Variants in SH3GL2 observed in about 807,000 individuals in gnomAD.
SH3GL2 encodes endophilin-A1.
In SH3GL2, 24 loss-of-function variants were observed where a neutral mutation model predicts 46.0. The observed-to-expected ratio is 0.52, with a 90% CI of 0.38 to 0.73. The LOEUF (loss-of-function observed/expected upper bound fraction) is 0.73, where lower values mean the gene tolerates loss of function less well. SH3GL2 is among the 30% of genes least tolerant of loss of function. The pLI is 0.00. For synonymous variants in SH3GL2, 196 were observed against 147.1 expected (o/e 1.33, Z -2.40); for missense variants, 413 against 424.2 (o/e 0.97, Z 0.23).
intron 3 of SH3GL2, among the ~76,000 whole-genome samples, chr9:17,785,643 T>C (rs1006284971): frequency 6.6e-6 from 1 of 152,194 alleles, no homozygotes. Context: ...TTAACAATTT[T>C]TTTAATAAAG....
intron 1 of SH3GL2, among the ~76,000 whole-genome samples, chr9:17,593,761 A>G (rs1051035393): frequency 6.6e-5 from 10 of 152,202 alleles, no homozygotes; most frequent in African/African-American, 9.7e-5. Context: ...GGAGGTAGAC[A>G]TGTTCTTTAA....
At chr9:17,700,137 G>T (rs575417843) in intron 1 of SH3GL2, among the ~76,000 whole-genome samples, 1 of 152,196 alleles carries the variant, frequency 6.6e-6, no homozygotes, top group East Asian at 1.9e-4. Flanking sequence ...GAGAACTTGG[G>T]TTCCTCTGGT....
At chr9:17,712,384 C>G (rs186322979) in intron 1 of SH3GL2, among the ~76,000 whole-genome samples, 2 of 151,680 alleles carry the variant, frequency 1.3e-5, no homozygotes, top group East Asian at 3.9e-4. Context: ...AAAACTTTGC[C>G]GAACCCAAGT....
At chr9:17,688,529 A>G (rs10738485) in intron 1 of SH3GL2, among the ~76,000 whole-genome samples, 61,836 of 151,788 alleles carry the variant, frequency 0.41, 13,145 homozygotes, top group South Asian at 0.58. Flanking sequence ...CTGGTTTCCA[A>G]TACCATCCTT....
At chr9:17,609,068 A>G (rs1043819962) in intron 1 of SH3GL2, among the ~76,000 whole-genome samples, 3 of 152,182 alleles carry the variant, frequency 2.0e-5, no homozygotes, top group Non-Finnish European at 2.9e-5. Context: ...TGATGAAGGC[A>G]TGGTCCTGGC....
At chr9:17,614,295 GAAAAAAAA>G (rs3084628) in intron 1 of SH3GL2, among the ~76,000 whole-genome samples, 127 of 70,300 alleles carry the variant, frequency 1.8e-3, no homozygotes, top group Admixed American at 1.9e-3. Flanking sequence ...CATGGTTTCT[GAAAAAAAA>G]AAAAAAAAAA....
At chr9:17,638,723 A>G (rs568739245) in intron 1 of SH3GL2, among the ~76,000 whole-genome samples, 3 of 152,182 alleles carry the variant, frequency 2.0e-5, no homozygotes, top group Non-Finnish European at 4.4e-5. Flanking sequence ...CTTGGAGCTA[A>G]TATCAACAGG....
At chr9:17,795,409 C>CTCA (rs1824246674) in intron 8 of SH3GL2, 135 bp from the exon 9 acceptor site, 2 of 658,370 alleles carry the variant, frequency 3.0e-6, no homozygotes, top group African/African-American at 1.8e-5. Flanking sequence ...CAAGAAGAAG[C>CTCA]TTCAACAGGA....
intron 2 of SH3GL2, among the ~76,000 whole-genome samples, chr9:17,752,001 A>G (rs1822861793): frequency 6.6e-6 from 1 of 151,614 alleles, no homozygotes; most frequent in Non-Finnish European, 1.5e-5. Flanking sequence ...TATATTCATT[A>G]AAGGTAATGA....
intron 1 of SH3GL2, among the ~76,000 whole-genome samples, chr9:17,643,397 C>G (rs1208245491): frequency 1.3e-5 from 2 of 151,966 alleles, no homozygotes; most frequent in Non-Finnish European, 2.9e-5. Context: ...GCCTTATTGC[C>G]CTGGCCAGAA....
At position 17,797,079 on chromosome 9, in the gene SH3GL2, C is replaced by A. The variant is rs142178870; in HGVS notation, c.*1336C>A. ...TTACTGCTTAATGTATAAACTCTCA[C>A]CACAGGAAGCATCGCTGTTTCCAAT... On this transcript the variant is annotated 3_prime_UTR_variant, in exon 9 of 9. Transcript: ENST00000380607. The A allele has an allele frequency of 6.5e-6, 1 of 152,736 alleles. No homozygotes were observed. Among genetic ancestry groups the A allele is most frequent in the Non-Finnish European group, 1.5e-5 (1 of 68,034 alleles). 9.5% of individuals were successfully genotyped at this position (152,736 alleles called of 1,614,324 possible). A position where few individuals can be genotyped will look rare whatever the true frequency, so the allele number is the denominator to read the frequency against.
At chr9:17,594,920 C>T (rs191727251) in intron 1 of SH3GL2, among the ~76,000 whole-genome samples, 1 of 152,232 alleles carries the variant, frequency 6.6e-6, no homozygotes, top group East Asian at 1.9e-4. Context: ...TTCATTTCTG[C>T]TTAAAATACA....
chr9:17,738,227 T>G (rs1214948343), intron 1 of SH3GL2, among the ~76,000 whole-genome samples: 1 of 152,012 alleles, frequency 6.6e-6, no homozygotes, highest in African/African-American at 2.4e-5. Context: ...GATTTAATCT[T>G]AAGATGTTTT....
intron 8 of SH3GL2, 62 bp from the exon 9 acceptor site, chr9:17,795,482 C>G (rs1056227298): frequency 9.6e-6 from 13 of 1,355,244 alleles, no homozygotes; most frequent in Non-Finnish European, 1.0e-6. Context: ...GCAGCAGATT[C>G]TGTGAGTTAA....
intron 1 of SH3GL2, among the ~76,000 whole-genome samples, chr9:17,619,031 C>G (rs1819069954): frequency 6.6e-6 from 1 of 152,140 alleles, no homozygotes; most frequent in Non-Finnish European, 1.5e-5. Flanking sequence ...GTAATATTAT[C>G]AACCAACTGT....
At chr9:17,697,844 A>G (rs1396057383) in intron 1 of SH3GL2, among the ~76,000 whole-genome samples, 2 of 152,158 alleles carry the variant, frequency 1.3e-5, no homozygotes, top group Non-Finnish European at 2.9e-5. Context: ...TGTTGCGCCT[A>G]CTAAATTCTT....
At chr9:17,679,108 A>C (rs575980634) in intron 1 of SH3GL2, among the ~76,000 whole-genome samples, 1 of 151,970 alleles carries the variant, frequency 6.6e-6, no homozygotes, top group Admixed American at 6.6e-5. Flanking sequence ...TTGACTTGGC[A>C]ATGCGGGCTC....
intron 3 of SH3GL2, among the ~76,000 whole-genome samples, chr9:17,763,123 A>G (rs1332745019): frequency 1.3e-5 from 2 of 152,100 alleles, no homozygotes; most frequent in African/African-American, 2.4e-5. Context: ...AAAAGTAACC[A>G]TTTTTCTCCA....
intron 1 of SH3GL2, among the ~76,000 whole-genome samples, chr9:17,584,201 C>G (rs1818327514): frequency 6.6e-6 from 1 of 152,136 alleles, no homozygotes; most frequent in Non-Finnish European, 1.5e-5. Flanking sequence ...CCTTCCTCCC[C>G]TCGAAAAGTA....
Sources: allele counts gnomAD v4.1 joint callset (sites outside exome capture counted in the v4.1 genomes callset), GRCh38; gene constraint gnomAD v4.1.1; transcripts MANE v1.5; gene names NCBI Gene and HGNC (gene_info 2026-07-23, HGNC 2026-07-21).